NEXMIF: variants seen among roughly 807,000 people sequenced by gnomAD.
The protein encoded by NEXMIF is neurite extension and migration factor.
In NEXMIF, 8 loss-of-function variants were observed where a neutral mutation model predicts 62.1. The ratio of observed to expected loss-of-function variants is 0.13; its 90% CI spans 0.08 to 0.23. The LOEUF (loss-of-function observed/expected upper bound fraction) is 0.23. NEXMIF is among the 10% of genes least tolerant of loss of function. The pLI is 1.00. For synonymous variants in NEXMIF, 404 were observed against 416.6 expected (o/e 0.97, Z 0.37); for missense variants, 976 against 1,113.3 (o/e 0.88, Z 1.75).
intron 1 of NEXMIF, among the ~76,000 whole-genome samples, chrX:74,800,145 A>G (rs1039269174): frequency 4.5e-5 from 5 of 111,822 alleles, no homozygotes; most frequent in African/African-American, 1.6e-4. Flanking sequence ...ATAAATGTCA[A>G]AAGACTGAAA....
At chrX:74,889,481 G>C (rs1170305585) in intron 1 of NEXMIF, among the ~76,000 whole-genome samples, 1 of 111,678 alleles carries the variant, frequency 9.0e-6, no homozygotes, top group African/African-American at 3.3e-5. Context: ...TTTAATCCTT[G>C]TTAAAATCAG....
intron 1 of NEXMIF, among the ~76,000 whole-genome samples, chrX:74,885,473 T>C (rs1421863470): frequency 2.7e-5 from 3 of 111,254 alleles, no homozygotes; most frequent in South Asian, 3.7e-4. Flanking sequence ...ATATCACCAC[T>C]GATCCCACAG....
rs2147440181 is a variant in NEXMIF, at chrX:74,742,080, T to C, written c.2477A>G (p.Asn826Ser). Residue 826 changes from asparagine (N) to serine (S), a missense_variant, in exon 3 of 4, where the codon AAT (asparagine) becomes AGT (serine). By Grantham distance (46) the Asn-to-Ser change is conservative. Transcript: ENST00000055682. The stretch of plus-strand genomic sequence containing the variant: ...GCTGAAGTATGAGATACTAGTGTTA[T>C]TTGACAAGTCAGAAGCATCTAACAA... Reference protein sequence around the residue: ...QTLLDASDLSNNTSISYFSHH... With the variant: ...QTLLDASDLSSNTSISYFSHH... 1 of 1,211,433 alleles carries C rather than the reference T, an allele frequency of 8.3e-7. No homozygotes were observed.
rs571094355 is a variant in NEXMIF, at chrX:74,925,422, T to G, written c.-587A>C. ...TGGCGGCGGTGGTGGCGGCGGCGGC[T>G]GCTGCTGCTGCTGCTGATGCTACTG... On this transcript the variant is annotated 5_prime_UTR_variant, in exon 1 of 4. Transcript: ENST00000055682. The G allele has an allele frequency of 5.4e-5, 9 of 167,426 alleles. No homozygotes were observed. Among genetic ancestry groups the G allele is most frequent in the South Asian group, 4.5e-4 (5 of 11,180 alleles). The allele number at this position is 167,426 out of a possible 1,213,427, so 13.8% of individuals were successfully genotyped here. A position where few individuals can be genotyped will look rare whatever the true frequency, so the allele number is the denominator to read the frequency against.
chrX:74,834,514 T>C (rs748605322), intron 1 of NEXMIF, among the ~76,000 whole-genome samples: 31 of 111,763 alleles, frequency 2.8e-4, no homozygotes, highest in Non-Finnish European at 7.5e-5. Flanking sequence ...GCCCAGCTTT[T>C]GTTTCTCTGG....
At chrX:74,846,284 T>G (rs978899835) in intron 1 of NEXMIF, among the ~76,000 whole-genome samples, 1 of 111,997 alleles carries the variant, frequency 8.9e-6, no homozygotes, top group Admixed American at 9.5e-5. Flanking sequence ...TGGACTAAAT[T>G]AAAAGGCCCT....
intron 1 of NEXMIF, among the ~76,000 whole-genome samples, chrX:74,818,115 A>C (rs1443914958): frequency 1.8e-5 from 2 of 110,743 alleles, no homozygotes; most frequent in East Asian, 2.8e-4. Context: ...TATAAAAAAA[A>C]TTATAAAAAA....
At chrX:74,764,626 A>G (rs2080189165) in intron 1 of NEXMIF, among the ~76,000 whole-genome samples, 1 of 111,231 alleles carries the variant, frequency 9.0e-6, no homozygotes, top group Admixed American at 9.6e-5. Context: ...TAGGGTTTTT[A>G]TTATTGCCTC....
At chrX:74,877,632 C>T (rs994396288) in intron 1 of NEXMIF, among the ~76,000 whole-genome samples, 3 of 111,602 alleles carry the variant, frequency 2.7e-5, no homozygotes, top group Admixed American at 9.5e-5. Context: ...GTACACCAAT[C>T]AGACGTAGAT....
chrX:74,885,655 A>T (rs2080689295), intron 1 of NEXMIF, among the ~76,000 whole-genome samples: 1 of 112,011 alleles, frequency 8.9e-6, no homozygotes, highest in Non-Finnish European at 1.9e-5. Flanking sequence ...GCAATAATTA[A>T]TAGCTTACCA....
chrX:74,787,104 C>CAAAAAAAAAAAA (rs766388500), intron 1 of NEXMIF, among the ~76,000 whole-genome samples: 4 of 31,684 alleles, frequency 1.3e-4, no homozygotes, highest in African/African-American at 4.6e-4. Flanking sequence ...ACCAAAAATA[C>CAAAAAAAAAAAA]AAAAAAAAAA....
intron 1 of NEXMIF, among the ~76,000 whole-genome samples, chrX:74,794,483 T>A (rs1205847258): frequency 1.8e-5 from 2 of 111,683 alleles, no homozygotes; most frequent in Non-Finnish European, 3.8e-5. Context: ...GCAGGCCTCC[T>A]TGAGCTGTGG....
At chrX:74,917,845 T>G (rs2080813083) in intron 1 of NEXMIF, among the ~76,000 whole-genome samples, 1 of 111,494 alleles carries the variant, frequency 9.0e-6, no homozygotes, top group Admixed American at 9.6e-5. Flanking sequence ...AACTTGTGTG[T>G]GGGGTGTGTG....
rs1235413320 is a variant in NEXMIF, at chrX:74,836,933, T to TGTGGTG, written c.-48+87944_-48+87949dup. 4.5e-5 allele frequency among the ~76,000 whole-genome samples: 5 copies of TGTGGTG among 111,253 alleles called. No homozygotes were observed. In the East Asian group the frequency reaches 1.4e-3, roughly 32 times the overall value. ...CCTAGGACCCCAGAGCTCTTTTGCC[T>TGTGGTG]GTGGTGGTGAGGCTTGCTGAGAGAG... On this transcript the variant is annotated intron_variant, in intron 1 of 3. Coordinates refer to ENST00000055682, the MANE Select transcript of NEXMIF (RefSeq NM_001008537.3).
chrX:74,880,903 G>C (rs1157736247), intron 1 of NEXMIF, among the ~76,000 whole-genome samples: 4 of 111,210 alleles, frequency 3.6e-5, no homozygotes, highest in African/African-American at 1.3e-4. Flanking sequence ...AGTATCCTTT[G>C]ACACATAAGA....
chrX:74,871,941 A>G (rs1416050565), intron 1 of NEXMIF, among the ~76,000 whole-genome samples: 1 of 111,596 alleles, frequency 9.0e-6, no homozygotes, highest in Non-Finnish European at 1.9e-5. Context: ...CTGAGGTGAC[A>G]TACATCCTCA....
intron 1 of NEXMIF, among the ~76,000 whole-genome samples, chrX:74,849,421 C>G (rs376945470): frequency 1.8e-5 from 2 of 112,385 alleles, no homozygotes; most frequent in African/African-American, 6.5e-5. Context: ...CTTCAAAGAG[C>G]CCATCCACCC....
rs1235506711 is a variant in NEXMIF at position 74,738,593 on chromosome X, A to G, written c.*812T>C. On this transcript the variant is annotated 3_prime_UTR_variant, in exon 4 of 4. Transcript: ENST00000055682. The stretch of plus-strand genomic sequence containing the variant: ...TAACTTTGCACTTTAAATAATTTTC[A>G]GCTACAGATTTTGCTTTTAGAAAAC... 9.0e-6 allele frequency: 1 copy of G among 111,696 alleles called. No individual in the cohort carries two copies. The highest frequency in any genetic ancestry group is 2.8e-4 in the East Asian group (1 of 3,579). 9.2% of individuals were successfully genotyped at this position (111,696 alleles called of 1,213,427 possible). A position where few individuals can be genotyped will look rare whatever the true frequency, so the allele number is the denominator to read the frequency against.
chrX:74,851,126 T>C (rs1406563913), intron 1 of NEXMIF, among the ~76,000 whole-genome samples: 5 of 109,143 alleles, frequency 4.6e-5, no homozygotes, highest in African/African-American at 1.0e-4. Flanking sequence ...GAAGAAAAAA[T>C]TTCAGGACTT....
Sources: gnomAD v4.1 joint callset for allele counts (sites outside exome capture counted in the v4.1 genomes callset) on GRCh38, gnomAD v4.1.1 for gene constraint, MANE v1.5 for transcripts, NCBI Gene and HGNC (gene_info 2026-07-23, HGNC 2026-07-21) for gene names.